The following PLA2G4E variants were observed in gnomAD, a reference collection of about 807,000 sequenced individuals.
PLA2G4E encodes cytosolic phospholipase A2 epsilon.
PLA2G4E carries 84 observed loss-of-function variants against 109.1 expected under a neutral mutation model. That is an observed-to-expected ratio of 0.77 (90% confidence interval 0.65 to 0.92). The LOEUF (loss-of-function observed/expected upper bound fraction) is 0.92, where lower values mean the gene tolerates loss of function less well. Among genes scored for constraint, PLA2G4E ranks in the 40% least tolerant of loss-of-function variants. The pLI is 0.00. For synonymous variants in PLA2G4E, 469 were observed against 436.1 expected, an observed-to-expected ratio of 1.08 and a Z score of -0.94; for missense variants, 1,057 against 1,076.6, an observed-to-expected ratio of 0.98 and a Z score of 0.25.
chr15:42,000,061 G>C, intron 8 of PLA2G4E, 43 bp downstream of exon 8: 3 of 1,573,082 alleles, frequency 1.9e-6, no homozygotes, highest in Middle Eastern at 3.3e-4. Context: ...CCCCCCACCT[G>C]TCCCAGTCCC....
intron 1 of PLA2G4E, among the ~76,000 whole-genome samples, chr15:42,028,538 CT>C (rs1337025953): frequency 6.6e-6 from 1 of 152,108 alleles, no homozygotes; most frequent in Non-Finnish European, 1.5e-5. Flanking sequence ...TTCTGAGTAG[CT>C]GGGATTACAG....
At chr15:41,990,454 G>A (rs542874273) in intron 13 of PLA2G4E, among the ~76,000 whole-genome samples, 11 of 152,226 alleles carry the variant, frequency 7.2e-5, no homozygotes, top group East Asian at 5.8e-4. Context: ...GACAGGGGCC[G>A]GGACTGGATC....
exon 17 of PLA2G4E, chr15:41,987,248 A>C: frequency 8.1e-6 from 13 of 1,614,028 alleles, no homozygotes; most frequent in Non-Finnish European, 1.0e-5. Context: ...TGTGAAACTC[A>C]GACACGAAGG....
intron 1 of PLA2G4E, among the ~76,000 whole-genome samples, chr15:42,024,699 C>T (rs2068678135): frequency 1.3e-5 from 2 of 152,260 alleles, no homozygotes; most frequent in South Asian, 4.1e-4. Flanking sequence ...CTCCTCTCTG[C>T]CTCCTACAGC....
intron 16 of PLA2G4E, 46 bp downstream of exon 16, chr15:41,988,003 G>T (rs1315840417): frequency 6.9e-7 from 1 of 1,439,940 alleles, no homozygotes; most frequent in Non-Finnish European, 9.6e-7. Context: ...AGGGAAAGCC[G>T]GTGTCACCCA....
intron 1 of PLA2G4E, among the ~76,000 whole-genome samples, chr15:42,019,315 A>G (rs2068625819): frequency 6.6e-6 from 1 of 152,248 alleles, no homozygotes; most frequent in Non-Finnish European, 1.5e-5. Context: ...AGTCAAAAGA[A>G]TACTTAATTA....
intron 1 of PLA2G4E, among the ~76,000 whole-genome samples, chr15:42,040,202 ACG>A (rs1889291703): frequency 6.6e-6 from 1 of 151,830 alleles, no homozygotes; most frequent in Non-Finnish European, 1.5e-5. Context: ...ACACACACAC[ACG>A]CACACACACA....
intron 12 of PLA2G4E, 29 bp from the exon 13 acceptor site, chr15:41,992,988 G>A: frequency 6.4e-7 from 1 of 1,574,194 alleles, no homozygotes; most frequent in Non-Finnish European, 8.6e-7. Context: ...AGCTGATAGG[G>A]CTGACCCGGC....
chr15:42,027,271 T>C (rs539526780), intron 1 of PLA2G4E, among the ~76,000 whole-genome samples: 36 of 152,288 alleles, frequency 2.4e-4, no homozygotes, highest in African/African-American at 8.4e-4. Context: ...AAAATATGCA[T>C]TGAACACAGT....
exon 6 of PLA2G4E, chr15:42,002,695 G>A (rs1195568962): frequency 1.3e-6 from 2 of 1,578,068 alleles, no homozygotes; most frequent in East Asian, 2.3e-5. Context: ...GGTGGAGAGG[G>A]ACTGAAAAAC....
At chr15:42,043,859 C>T (rs1027956115) in intron 1 of PLA2G4E, among the ~76,000 whole-genome samples, 4 of 152,160 alleles carry the variant, frequency 2.6e-5, no homozygotes, top group Non-Finnish European at 4.4e-5. Context: ...TATACATAAA[C>T]ACCGTACATA....
chr15:42,046,614 A>G (rs1889421027), intron 1 of PLA2G4E, among the ~76,000 whole-genome samples: 1 of 152,172 alleles, frequency 6.6e-6, no homozygotes. Context: ...AAATAGTCAG[A>G]TATTTATTTA....
intron 1 of PLA2G4E, among the ~76,000 whole-genome samples, chr15:42,040,526 C>T (rs1199701994): frequency 2.6e-5 from 4 of 152,136 alleles, no homozygotes; most frequent in African/African-American, 9.7e-5. Context: ...ATGGATAATT[C>T]TGACTGTACA....
chr15:42,043,483 CTT>C (rs951778063), intron 1 of PLA2G4E, among the ~76,000 whole-genome samples: 3 of 145,356 alleles, frequency 2.1e-5, no homozygotes, highest in African/African-American at 7.6e-5. Context: ...CATGGAGTCT[CTT>C]GTCCTGGGTG....
chr15:42,032,859 G>C (rs1009826383), intron 1 of PLA2G4E, among the ~76,000 whole-genome samples: 1 of 152,220 alleles, frequency 6.6e-6, no homozygotes, highest in Non-Finnish European at 1.5e-5. Context: ...CTGATATTTA[G>C]TGAGGGGACC....
At chr15:42,015,298 C>T (rs2068577963) in intron 1 of PLA2G4E, among the ~76,000 whole-genome samples, 1 of 152,184 alleles carries the variant, frequency 6.6e-6, no homozygotes, top group Non-Finnish European at 1.5e-5. Flanking sequence ...CCTACAGCAA[C>T]AGAGTGTCGC....
chr15:42,028,467 T>A (rs2072804857), intron 1 of PLA2G4E, among the ~76,000 whole-genome samples: 1 of 152,008 alleles, frequency 6.6e-6, no homozygotes, highest in South Asian at 2.1e-4. Context: ...AGTGCAGTGG[T>A]GTAATCTCGG....
At chr15:42,039,582 C>T (rs1889278792) in intron 1 of PLA2G4E, among the ~76,000 whole-genome samples, 1 of 151,860 alleles carries the variant, frequency 6.6e-6, no homozygotes, top group East Asian at 1.9e-4. Context: ...TATGTATATA[C>T]ACATATACTT....
intron 1 of PLA2G4E, among the ~76,000 whole-genome samples, chr15:42,044,913 C>T (rs957971165): frequency 1.3e-5 from 2 of 152,092 alleles, no homozygotes; most frequent in East Asian, 1.9e-4. Context: ...CACTTGGGCC[C>T]GGGTAGGGGG....
Sources: gnomAD v4.1 joint callset for allele counts (sites outside exome capture counted in the v4.1 genomes callset) on GRCh38, gnomAD v4.1.1 for gene constraint, MANE v1.5 for transcripts, NCBI Gene and HGNC (gene_info 2026-07-23, HGNC 2026-07-21) for gene names.